The following DNAJB4 variants were observed in gnomAD, a reference collection of about 807,000 sequenced individuals.
The protein encoded by DNAJB4 is DnaJ heat shock protein family (Hsp40) member B4.
A neutral mutation model predicts 26.6 loss-of-function variants in DNAJB4; 10 were observed. The ratio of observed to expected loss-of-function variants is 0.38; its 90% CI spans 0.23 to 0.64. The LOEUF (loss-of-function observed/expected upper bound fraction) is 0.64, where lower values mean the gene tolerates loss of function less well. Among genes scored for constraint, DNAJB4 ranks in the 30% least tolerant of loss-of-function variants. The pLI is 0.58. For synonymous variants in DNAJB4, 136 were observed against 134.8 expected (o/e 1.01, Z -0.06); for missense variants, 328 against 408.2 (o/e 0.80, Z 1.69).
At chr1:78,008,539 G>A (rs911748508) in intron 1 of DNAJB4, among the ~76,000 whole-genome samples, 4 of 152,122 alleles carry the variant, frequency 2.6e-5, no homozygotes, top group African/African-American at 9.7e-5. Flanking sequence ...GAAAAGGCCA[G>A]TATATAGAAA....
At position 77,987,830 on chromosome 1, in the gene DNAJB4, AG is replaced by A. The variant is rs757792586; in HGVS notation, c.-32+7509del. 7.3e-4 allele frequency among the ~76,000 whole-genome samples: 111 copies of A among 152,024 alleles called. No homozygotes were observed. The Middle Eastern group carries it at 0.01, about 14-fold the overall frequency. On this transcript the variant is annotated intron_variant, in intron 1 of 2. Transcript: ENST00000426517. ...GAATATATATGTATATTGCTACTTC[AG>A]TGACCTTGCCAAATTCTTTAACCTT...
chr1:78,007,181 A>AATTG (rs1296500803), intron 1 of DNAJB4, among the ~76,000 whole-genome samples: 1 of 152,146 alleles, frequency 6.6e-6, no homozygotes, highest in East Asian at 1.9e-4. Context: ...TAACTTACAT[A>AATTG]ATTGATATAA....
intron 1 of DNAJB4, among the ~76,000 whole-genome samples, chr1:77,987,085 A>C (rs1304984642): frequency 6.6e-6 from 1 of 152,196 alleles, no homozygotes; most frequent in East Asian, 1.9e-4. Context: ...CAAGTGTCAT[A>C]CTGGCTTAGA....
At chr1:77,980,714 C>T (rs1001148027) in intron 1 of DNAJB4, among the ~76,000 whole-genome samples, 1 of 152,072 alleles carries the variant, frequency 6.6e-6, no homozygotes, top group East Asian at 1.9e-4. Context: ...TTCTGAAAAC[C>T]TAAAAGTAAT....
chr1:77,994,637 A>G (rs560667501), intron 1 of DNAJB4, among the ~76,000 whole-genome samples: 16 of 149,444 alleles, frequency 1.1e-4, no homozygotes, highest in African/African-American at 3.7e-4. Flanking sequence ...TTAAGATGAC[A>G]TCTCAGGCCA....
chr1:78,012,705 A>G (rs548579059), intron 1 of DNAJB4, among the ~76,000 whole-genome samples: 22 of 152,044 alleles, frequency 1.4e-4, no homozygotes, highest in Non-Finnish European at 2.8e-4. Context: ...GCTACTCGGG[A>G]GGCTGAGGCA....
chr1:78,006,212 C>T (rs1448217073), intron 1 of DNAJB4, among the ~76,000 whole-genome samples: 1 of 152,100 alleles, frequency 6.6e-6, no homozygotes, highest in Non-Finnish European at 1.5e-5. Flanking sequence ...TTCAGATTAT[C>T]CTTTTCTCAT....
chr1:77,979,342 T>C (rs764533414), upstream of DNAJB4: 7 of 277,936 alleles, frequency 2.5e-5, no homozygotes, highest in African/African-American at 8.7e-5. Context: ...TAGTGGCCAG[T>C]TGACTGCGAC....
At chr1:78,005,359 C>A in intron 1 of DNAJB4, 38 bp downstream of exon 1, 1 of 1,408,022 alleles carries the variant, frequency 7.1e-7, no homozygotes. Context: ...CTCTTCAGCT[C>A]TGTCTCTTTT....
At chr1:78,013,682 A>G (rs1660558366) in intron 2 of DNAJB4, 63 bp downstream of exon 2, 2 of 1,258,150 alleles carry the variant, frequency 1.6e-6, no homozygotes, top group Admixed American at 2.3e-5. Context: ...TAGGGAGTGT[A>G]TCTAGATAAT....
Position 78,013,364 on chromosome 1 carries a change from T to C in DNAJB4, c.525T>C (p.Cys175=). 6.2e-7 allele frequency: 1 copy of C among 1,614,180 alleles called. No individual in the cohort carries two copies. Among genetic ancestry groups the C allele is most frequent in the Non-Finnish European group, 8.5e-7 (1 of 1,180,042 alleles). Residue 175 remains cysteine (C), a synonymous_variant, in exon 2 of 3, where the codon TGT becomes TGC. Coordinates refer to ENST00000370763, the MANE Select transcript of DNAJB4 (RefSeq NM_007034.5). ...CACTTGAAGAGATATATAGTGGTTG[T>C]ACCAAACGGATGAAGATTTCTCGAA... ...RVSLEEIYSG[C]TKRMKISRKR...
intron 1 of DNAJB4, among the ~76,000 whole-genome samples, chr1:77,984,994 AT>A (rs1276423941): frequency 9.9e-5 from 15 of 152,150 alleles, no homozygotes; most frequent in African/African-American, 3.6e-4. Flanking sequence ...AGTGCTCTTT[AT>A]TTTGTGAACT....
At chr1:77,985,655 A>G (rs1659773883) in intron 1 of DNAJB4, among the ~76,000 whole-genome samples, 1 of 152,126 alleles carries the variant, frequency 6.6e-6, no homozygotes, top group South Asian at 2.1e-4. Context: ...CTCCTTAACT[A>G]TGCACTTTGA....
chr1:77,984,481 C>T (rs1249346497), intron 1 of DNAJB4, among the ~76,000 whole-genome samples: 1 of 151,950 alleles, frequency 6.6e-6, no homozygotes, highest in Non-Finnish European at 1.5e-5. Context: ...CAGAAAGCAT[C>T]ATAGTTGATT....
chr1:78,012,411 C>T (rs1238903263), intron 1 of DNAJB4, among the ~76,000 whole-genome samples: 1 of 151,632 alleles, frequency 6.6e-6, no homozygotes, highest in East Asian at 1.9e-4. Flanking sequence ...ATCTGCTTGC[C>T]TCGGCCTCCC....
intron 1 of DNAJB4, among the ~76,000 whole-genome samples, chr1:78,010,465 A>G (rs1040486375): frequency 1.3e-5 from 2 of 152,150 alleles, no homozygotes; most frequent in African/African-American, 4.8e-5. Flanking sequence ...AATTTGGATG[A>G]GCTGCTTATG....
At chr1:77,989,086 A>G (rs1659870846) in intron 1 of DNAJB4, among the ~76,000 whole-genome samples, 2 of 151,170 alleles carry the variant, frequency 1.3e-5, no homozygotes, top group African/African-American at 4.9e-5. Flanking sequence ...ATGTCCCCCC[A>G]CTCCTCTCTT....
intron 1 of DNAJB4, among the ~76,000 whole-genome samples, chr1:77,990,310 G>C (rs1659900622): frequency 6.6e-6 from 1 of 152,020 alleles, no homozygotes; most frequent in African/African-American, 2.4e-5. Flanking sequence ...TCCAAAAATT[G>C]TTCCTCCTTC....
At chr1:78,003,972 A>C (rs573772202), upstream of DNAJB4, among the ~76,000 whole-genome samples, 1 of 152,332 alleles carries the variant, frequency 6.6e-6, no homozygotes, top group East Asian at 1.9e-4. Flanking sequence ...CCAACAATGA[A>C]TATATATTTA....
Sources: gnomAD v4.1 joint callset for allele counts (sites outside exome capture counted in the v4.1 genomes callset) on GRCh38, gnomAD v4.1.1 for gene constraint, MANE v1.5 for transcripts, NCBI Gene and HGNC (gene_info 2026-07-23, HGNC 2026-07-21) for gene names.